Variants in TRAF3IP3 observed in about 807,000 individuals in gnomAD.
TRAF3IP3 encodes TRAF3-interacting JNK-activating modulator.
A neutral mutation model predicts 86.5 loss-of-function variants in TRAF3IP3; 64 were observed. That is an observed-to-expected ratio of 0.74 (90% CI 0.60 to 0.91). The LOEUF is 0.91. TRAF3IP3 is among the 40% of genes least tolerant of loss of function. TRAF3IP3 has a pLI of 0.00. For synonymous variants in TRAF3IP3, 220 were observed against 243.9 expected, an observed-to-expected ratio of 0.90 and a Z score of 0.91; for missense variants, 579 against 642.9, an observed-to-expected ratio of 0.90 and a Z score of 1.07.
At chr1:209,764,158 A>G (rs1036478239) in intron 8 of TRAF3IP3, among the ~76,000 whole-genome samples, 2 of 152,214 alleles carry the variant, frequency 1.3e-5, no homozygotes, top group Admixed American at 6.5e-5. Flanking sequence ...CATTCAATGT[A>G]CAATATTCAT....
At chr1:209,777,119 C>T (rs1159103630) in intron 11 of TRAF3IP3, 7 of 324,944 alleles carry the variant, frequency 2.2e-5, no homozygotes, top group East Asian at 5.2e-5. Context: ...AAATAAAAGA[C>T]GCGAGTTCCT....
chr1:209,758,801 C>T (rs2102424610), intron 1 of TRAF3IP3: 1 of 153,264 alleles, frequency 6.5e-6, no homozygotes, highest in African/African-American at 2.4e-5. Context: ...TCATCCAAAT[C>T]CAGCCCAACT....
rs1469631725 is a variant in TRAF3IP3, at chr1:209,760,025, T to C, written c.-15T>C. ...GGAACTGGAAGCCAAGCGCAACAGG[T>C]GCTTGGAGGTCATCATGATCAGCCC... On this transcript the variant is annotated 5_prime_UTR_variant, in exon 3 of 17. Transcript: ENST00000367025. 2 of 1,593,268 alleles carry C rather than the reference T, an allele frequency of 1.3e-6. No homozygotes were observed. The highest frequency in any genetic ancestry group is 2.3e-5 in the East Asian group (1 of 44,412).
intron 9 of TRAF3IP3, among the ~76,000 whole-genome samples, chr1:209,773,732 A>G (rs959382637): frequency 2.0e-5 from 3 of 152,260 alleles, no homozygotes; most frequent in Non-Finnish European, 1.5e-5. Context: ...TATGGAGTCT[A>G]TAAGTTTCTT....
chr1:209,771,708 TGTGTGCAGGTGGAAGTGTAC>T (rs2077535955), intron 8 of TRAF3IP3, among the ~76,000 whole-genome samples: 1 of 140,030 alleles, frequency 7.1e-6, no homozygotes, highest in Admixed American at 7.2e-5. Flanking sequence ...TGGAGGTGTA[TGTGTGCAGGTGGAAGTGTAC>T]GTGTGCATGT....
chr1:209,763,322 G>A (rs2077281567), intron 6 of TRAF3IP3, 41 bp from the exon 7 acceptor site: 1 of 1,607,144 alleles, frequency 6.2e-7, no homozygotes, highest in Non-Finnish European at 8.5e-7. Context: ...GGTTTCAGGG[G>A]ACTTACAGAC....
chr1:209,762,960 G>A (rs1250343410), intron 5 of TRAF3IP3, 90 bp downstream of exon 5: 2 of 1,601,736 alleles, frequency 1.2e-6, no homozygotes, highest in African/African-American at 1.3e-5. Context: ...AATTAAGAAA[G>A]AGGAAGCCCT....
Position 209,765,225 on chromosome 1 carries a change from G to GA in TRAF3IP3, c.702+1639dup, listed in dbSNP as rs1558013001. On this transcript the variant is annotated intron_variant, in intron 8 of 16. Transcript: ENST00000367025. Reference sequence around the variant, plus strand: ...AGAGAGAGAGAGAGGGAGAGAGAGAGAGAGGAAGGAAGGAAGGAAGGAAGG... The same window carrying GA: ...AGAGAGAGAGAGAGGGAGAGAGAGAGAAGAGGAAGGAAGGAAGGAAGGAAGG... Among the ~76,000 whole-genome samples the GA allele has an allele frequency of 2.5e-3, 233 of 92,912 alleles. 18 individuals carry two copies. The highest frequency in any genetic ancestry group is 0.011 in the African/African-American group (227 of 20,696). 61.0% of individuals were successfully genotyped at this position (92,912 alleles called of 152,430 possible). A position where few individuals can be genotyped will look rare whatever the true frequency, so the allele number is the denominator to read the frequency against.
In TRAF3IP3 at chr1:209,777,431, T is replaced by C. The variant is rs144849446; in HGVS notation, c.1133T>C (p.Ile378Thr). 3.8e-5 allele frequency: 62 copies of C among 1,614,038 alleles called. 1 individual carries two copies. The East Asian group carries it at 7.1e-4, about 19-fold the overall frequency. Reference protein sequence around the residue: ...ENEHQQLQAKIECLQGDRDLC... With the variant: ...ENEHQQLQAKTECLQGDRDLC... ...GAGCACCAGCAACTGCAGGCCAAGA[T>C]TGAATGCCTGCAAGGGGACAGAGAC... The change falls in exon 12 of 17, where the codon ATT becomes ACT. Residue 378 changes from isoleucine to threonine, a missense_variant. Transcript: ENST00000367025.
Position 209,777,381 on chromosome 1 carries a change from C to T in TRAF3IP3, c.1083C>T (p.Asn361=), listed in dbSNP as rs767377230. The change falls in exon 12 of 17, where the codon AAC becomes AAT. Residue 361 remains asparagine, a synonymous_variant. Coordinates refer to ENST00000367025, the MANE Select transcript of TRAF3IP3 (RefSeq NM_025228.4). ...CAGATAGCAGGGACTTACAGATGAA[C>T]CAGGCCCTGCGATTTTTGGAAAATG... is the stretch of plus-strand genomic sequence containing the variant. ...QGADSRDLQM[N]QALRFLENEH... 1.2e-6 allele frequency: 2 copies of T among 1,613,940 alleles called. No homozygotes were observed. The highest frequency in any genetic ancestry group is 8.5e-7 in the Non-Finnish European group (1 of 1,179,974).
At chr1:209,763,442 G>A (rs772798933) in intron 7 of TRAF3IP3, 50 bp downstream of exon 7, 43 of 1,612,866 alleles carry the variant, frequency 2.7e-5, no homozygotes, top group South Asian at 6.6e-5. Context: ...ACTTACCCCC[G>A]ATCCTCCAGG....
intron 8 of TRAF3IP3, among the ~76,000 whole-genome samples, chr1:209,770,680 GGTGTGTGTGTGCATGTGGAGGT>G (rs2077459797): frequency 7.3e-6 from 1 of 136,310 alleles, no homozygotes; most frequent in Admixed American, 7.3e-5. Context: ...TGCATATGGA[GGTGTGTGTGTGCATGTGGAGGT>G]GTGTGTGTGC....
At position 209,763,370 on chromosome 1, in the gene TRAF3IP3, T is replaced by C. The variant is rs781292720; in HGVS notation, c.584T>C (p.Ile195Thr). Residue 195 changes from isoleucine to threonine, a missense_variant, in exon 7 of 17, where the codon ATC becomes ACC. Physicochemically the swap from Ile to Thr is moderately conservative, Grantham distance 89. Transcript: ENST00000367025. ...YGVAVLDKEIIQLSDYLKEAL... is the reference protein window; with the variant it reads ...YGVAVLDKEITQLSDYLKEAL... ...CTTGTTCTTTCTCTCCAGGAAATCA[T>C]CCAGCTTTCTGATTACCTCAAAGTA... 3.1e-6 allele frequency: 5 copies of C among 1,613,598 alleles called. No individual in the cohort carries two copies. The highest frequency in any genetic ancestry group is 4.2e-6 in the Non-Finnish European group (5 of 1,180,000).
intron 8 of TRAF3IP3, among the ~76,000 whole-genome samples, chr1:209,766,362 G>T (rs1170080808): frequency 6.6e-6 from 1 of 152,150 alleles, no homozygotes; most frequent in Non-Finnish European, 1.5e-5. Context: ...TTCCAACTCT[G>T]TGCTGGGCCT....
chr1:209,771,099 G>C (rs1424962130), intron 8 of TRAF3IP3, among the ~76,000 whole-genome samples: 1 of 143,750 alleles, frequency 7.0e-6, no homozygotes, highest in Non-Finnish European at 1.5e-5. Context: ...TGTGCAGGTG[G>C]AAGTGTGCAT....
At position 209,763,408 on chromosome 1, in the gene TRAF3IP3, C is replaced by G. The variant is rs749852050; in HGVS notation, c.606+16C>G. 3 of 1,613,758 alleles carry G rather than the reference C, an allele frequency of 1.9e-6. No homozygotes were observed. The highest frequency in any genetic ancestry group is 4.5e-5 in the East Asian group (2 of 44,870). ...TTACCTCAAAGTAAGTGGCATGTGA[C>G]CCCTCCCCTCAGTTCCTCCATCCAC... On this transcript the variant is annotated intron_variant, in intron 7 of 16. Coordinates refer to ENST00000367025, the MANE Select transcript of TRAF3IP3 (RefSeq NM_025228.4).
intron 8 of TRAF3IP3, among the ~76,000 whole-genome samples, chr1:209,772,094 G>GGT (rs1457970041): frequency 2.6e-5 from 4 of 152,030 alleles, no homozygotes; most frequent in Admixed American, 1.3e-4. Flanking sequence ...TGCATGTGGA[G>GGT]GTGTGTGTGG....
At chr1:209,761,816 T>G (rs115755381) in intron 3 of TRAF3IP3, among the ~76,000 whole-genome samples, 1,058 of 152,030 alleles carry the variant, frequency 7.0e-3, no homozygotes, top group African/African-American at 0.023. Flanking sequence ...CTCAGACCAG[T>G]TCTCTTTCCA....
In TRAF3IP3 at chr1:209,775,330, A is replaced by C; in HGVS notation, c.775-19A>C. 2.5e-6 allele frequency: 4 copies of C among 1,598,314 alleles called. No homozygotes were observed. The highest frequency in any genetic ancestry group is 3.4e-6 in the Non-Finnish European group (4 of 1,171,486). On this transcript the variant is annotated intron_variant, in intron 9 of 16. Coordinates refer to ENST00000367025, the MANE Select transcript of TRAF3IP3 (RefSeq NM_025228.4). ...ACAGAAGCTCAATGTGTATTTGTTG[A>C]ATTGCATCAAATTTACAGAAATACT...
Sources: gnomAD v4.1 joint callset for allele counts (sites outside exome capture counted in the v4.1 genomes callset) on GRCh38, gnomAD v4.1.1 for gene constraint, MANE v1.5 for transcripts, NCBI Gene and HGNC (gene_info 2026-07-23, HGNC 2026-07-21) for gene names.